The following RBFOX1 variants were observed in gnomAD, a reference collection of about 807,000 sequenced individuals.
RBFOX1 encodes RNA binding fox-1 homolog 1, also known as RNA binding protein fox-1 homolog 1.
Under a neutral mutation model 57.7 loss-of-function variants are expected in RBFOX1, and 8 were observed. The ratio of observed to expected loss-of-function variants is 0.14; its 90% CI spans 0.08 to 0.25. The LOEUF (loss-of-function observed/expected upper bound fraction) is 0.25. RBFOX1 is among the 10% of genes least tolerant of loss of function. The pLI, the probability that RBFOX1 is intolerant of heterozygous loss-of-function variation, is 1.00. For synonymous variants in RBFOX1, 326 were observed against 222.4 expected, an observed-to-expected ratio of 1.47 and a Z score of -4.15; for missense variants, 611 against 548.5, an observed-to-expected ratio of 1.11 and a Z score of -1.14.
chr16:7,168,734 T>C (rs1041306657), intron 4 of RBFOX1, among the ~76,000 whole-genome samples: 1 of 152,192 alleles, frequency 6.6e-6, no homozygotes, highest in Non-Finnish European at 1.5e-5. Flanking sequence ...TCCCTAAAAA[T>C]ATCCATAACA....
intron 1 of RBFOX1, among the ~76,000 whole-genome samples, chr16:6,255,937 G>T (rs1218850249): frequency 6.6e-6 from 1 of 151,574 alleles, no homozygotes; most frequent in East Asian, 2.0e-4. Flanking sequence ...AATACCTAAT[G>T]CATGCGGGGC....
At chr16:5,818,724 C>G (rs2055737774) in intron 3 of RBFOX1, among the ~76,000 whole-genome samples, 1 of 152,220 alleles carries the variant, frequency 6.6e-6, no homozygotes. Flanking sequence ...GAATGAGCTT[C>G]AAGGTATGAT....
At chr16:7,494,011 T>A (rs1298177629) in intron 4 of RBFOX1, among the ~76,000 whole-genome samples, 1 of 152,202 alleles carries the variant, frequency 6.6e-6, no homozygotes, top group Non-Finnish European at 1.5e-5. Flanking sequence ...CACCTTTTAT[T>A]TTTTGAGATT....
intron 2 of RBFOX1, among the ~76,000 whole-genome samples, chr16:6,600,273 C>G (rs754518383): frequency 1.1e-4 from 16 of 145,386 alleles, no homozygotes; most frequent in Non-Finnish European, 1.8e-4. Context: ...TGTTCTCAGT[C>G]CTCCCCTACC....
intron 1 of RBFOX1, among the ~76,000 whole-genome samples, chr16:5,298,014 ATTTTCCCATT>A (rs1185867423): frequency 0.011 from 1,637 of 152,332 alleles, 21 homozygotes; most frequent in African/African-American, 0.038. Context: ...ACACAATGTT[ATTTTCCCATT>A]GAATTAACTT....
At chr16:5,903,611 C>T (rs2058366005) in intron 4 of RBFOX1, among the ~76,000 whole-genome samples, 1 of 152,122 alleles carries the variant, frequency 6.6e-6, no homozygotes, top group Admixed American at 6.5e-5. Flanking sequence ...GGTTTGCCCC[C>T]ATTAGACCTA....
At chr16:5,423,322 T>A (rs2067411974) in intron 1 of RBFOX1, among the ~76,000 whole-genome samples, 1 of 152,122 alleles carries the variant, frequency 6.6e-6, no homozygotes, top group African/African-American at 2.4e-5. Context: ...TGTCACCGGT[T>A]TTCACCTGCA....
At chr16:6,234,239 A>G (rs1045629358) in intron 1 of RBFOX1, among the ~76,000 whole-genome samples, 1 of 152,112 alleles carries the variant, frequency 6.6e-6, no homozygotes, top group African/African-American at 2.4e-5. Context: ...TTTATTCTCA[A>G]AATTCCTGCC....
chr16:6,663,673 T>C (rs8057978), intron 3 of RBFOX1, among the ~76,000 whole-genome samples: 82,041 of 151,396 alleles, frequency 0.54, 22,867 homozygotes, highest in African/African-American at 0.64. Flanking sequence ...TTCTTTTCTG[T>C]TTCCAATGTC....
intron 12 of RBFOX1, 134 bp from the exon 13 acceptor site, chr16:7,664,795 C>G: frequency 6.5e-7 from 1 of 1,538,196 alleles, no homozygotes; most frequent in Non-Finnish European, 8.9e-7. Context: ...CTCCTTAATC[C>G]AATGTGAAAA....
At chr16:6,675,237 T>G (rs1195467355) in intron 3 of RBFOX1, among the ~76,000 whole-genome samples, 1 of 152,202 alleles carries the variant, frequency 6.6e-6, no homozygotes, top group Non-Finnish European at 1.5e-5. Context: ...CAGGTTGTGG[T>G]GATTTGTTGC....
chr16:7,189,616 A>G (rs1314583670), intron 4 of RBFOX1, among the ~76,000 whole-genome samples: 1 of 150,678 alleles, frequency 6.6e-6, no homozygotes, highest in Non-Finnish European at 1.5e-5. Context: ...CACATAAGCC[A>G]CTCTATGCAG....
intron 4 of RBFOX1, among the ~76,000 whole-genome samples, chr16:7,066,327 A>G (rs1157007397): frequency 1.3e-5 from 2 of 152,214 alleles, no homozygotes; most frequent in Non-Finnish European, 2.9e-5. Flanking sequence ...CAAGGTAAGA[A>G]TGCATTTGCT....
chr16:6,315,362 G>GTGGATGGATGGATGGA lies in RBFOX1; in HGVS notation c.-126-1625_-126-1610dup, dbSNP rs754638128. 9.4e-3 allele frequency among the ~76,000 whole-genome samples: 1,413 copies of GTGGATGGATGGATGGA among 150,142 alleles called. 6 individuals are homozygous for GTGGATGGATGGATGGA. Among genetic ancestry groups the GTGGATGGATGGATGGA allele is most frequent in the Non-Finnish European group, 0.014 (959 of 67,536 alleles). ...GGTGGACGGATGGATGAATGGGTGGGTGGATGGATGGATGGATGGATGGGT... is the reference window on the plus strand; with the variant it reads ...GGTGGACGGATGGATGAATGGGTGGGTGGATGGATGGATGGATGGATGGATGGATGGATGGATGGGT... On this transcript the variant is annotated intron_variant, in intron 1 of 15. Coordinates refer to ENST00000550418, the MANE Select transcript of RBFOX1 (RefSeq NM_018723.4).
intron 2 of RBFOX1, among the ~76,000 whole-genome samples, chr16:5,495,726 C>T (rs1040091388): frequency 2.2e-4 from 33 of 152,192 alleles, no homozygotes; most frequent in African/African-American, 8.0e-4. Context: ...CAGGACAGAT[C>T]CATAAATACC....
chr16:7,522,574 T>C lies in RBFOX1; in HGVS notation c.270+4185T>C, dbSNP rs2152274691. Among the ~76,000 whole-genome samples, 3 of 152,190 alleles carry C rather than the reference T, an allele frequency of 2.0e-5. 1 individual carries two copies. The South Asian group carries it at 6.2e-4, about 32-fold the overall frequency. On this transcript the variant is annotated intron_variant, in intron 5 of 15. Transcript: ENST00000550418. ...GGTGGGCATTGCCCGTTATAAATAT[T>C]TGGAGTGATGAGGAGAAAGAAGAGA...
intron 3 of RBFOX1, among the ~76,000 whole-genome samples, chr16:6,846,646 G>T (rs144019809): frequency 6.6e-6 from 1 of 152,288 alleles, no homozygotes; most frequent in African/African-American, 2.4e-5. Flanking sequence ...AAACAGTTGA[G>T]CATCTACAGA....
At chr16:6,829,394 G>C (rs542114245) in intron 3 of RBFOX1, among the ~76,000 whole-genome samples, 2 of 150,256 alleles carry the variant, frequency 1.3e-5, no homozygotes. Context: ...GACACACATA[G>C]ATATATAGAA....
Position 7,208,929 on chromosome 16 carries a change from G to A in RBFOX1, c.27+156831G>A, listed in dbSNP as rs140903579. ...ACTCACCCTCTATTCCCTTCCTGGC[G>A]GGCATTAATCTATTCATGAGGGACC... On this transcript the variant is annotated intron_variant, in intron 4 of 15. Coordinates refer to ENST00000550418, the MANE Select transcript of RBFOX1 (RefSeq NM_018723.4). Among the ~76,000 whole-genome samples the A allele has an allele frequency of 1.1e-3, 173 of 151,972 alleles. 1 individual carries two copies. The highest frequency in any genetic ancestry group is 3.9e-3 in the African/African-American group (161 of 41,470).
Sources: gnomAD v4.1 joint callset for allele counts (sites outside exome capture counted in the v4.1 genomes callset) on GRCh38, gnomAD v4.1.1 for gene constraint, MANE v1.5 for transcripts, NCBI Gene and HGNC (gene_info 2026-07-23, HGNC 2026-07-21) for gene names.